The following ZNF490 variants were observed in gnomAD, a reference collection of about 807,000 sequenced individuals.
ZNF490 encodes the protein zinc finger protein 490.
A neutral mutation model predicts 17.7 loss-of-function variants in ZNF490; 11 were observed. That is an observed-to-expected ratio of 0.62 (90% CI 0.39 to 1.03). The LOEUF is 1.03. Ranked by LOEUF, ZNF490 falls within the 50% of genes least tolerant of loss-of-function variation. ZNF490 has a pLI of 0.00. For synonymous variants in ZNF490, 222 were observed against 216.1 expected (o/e 1.03, Z -0.24); for missense variants, 542 against 643.4 (o/e 0.84, Z 1.71).
rs574919708 is a variant in ZNF490 at position 12,585,688 on chromosome 19, T to C, written c.163-2132A>G. Among the ~76,000 whole-genome samples the C allele has an allele frequency of 5.4e-4, 50 of 92,044 alleles. 14 individuals are homozygous for C. Among genetic ancestry groups the C allele is most frequent in the African/African-American group, 1.5e-3 (46 of 30,838 alleles). 60.4% of individuals were successfully genotyped at this position (92,044 alleles called of 152,430 possible). On this transcript the variant is annotated intron_variant, in intron 2 of 4. Transcript: ENST00000311437. ...CCAGCCACTGGTAACAGTGTGACAT[T>C]AGAGTTTTGTTTTTATTTTGAGACC...
At chr19:12,595,275 C>CA (rs1210521241) in intron 2 of ZNF490, among the ~76,000 whole-genome samples, 1 of 151,898 alleles carries the variant, frequency 6.6e-6, no homozygotes, top group Non-Finnish European at 1.5e-5. Context: ...GCTGGGATTA[C>CA]AGCCATGCAC....
intron 2 of ZNF490, 125 bp from the exon 3 acceptor site, chr19:12,583,681 G>C: frequency 1.1e-6 from 1 of 941,442 alleles, no homozygotes; most frequent in Non-Finnish European, 1.4e-6. Context: ...TAACTTGGTT[G>C]TCAGAACTCT....
Position 12,578,975 on chromosome 19 carries a change from C to T in ZNF490, c.*1510G>A, listed in dbSNP as rs192215349. On this transcript the variant is annotated 3_prime_UTR_variant, in exon 5 of 5. Transcript: ENST00000311437. ...CATGGTTTTAAAATGAACTGGAGGC[C>T]GGGCGCGGTGGCTCACGCCTATAAT... The T allele has an allele frequency of 9.5e-5, 94 of 985,522 alleles. No homozygotes were observed. The highest frequency in any genetic ancestry group is 5.8e-4 in the African/African-American group (33 of 57,330). The allele number at this position is 985,522 out of a possible 1,614,324, so 61.0% of individuals were successfully genotyped here. A position where few individuals can be genotyped will look rare whatever the true frequency, so the allele number is the denominator to read the frequency against.
intron 2 of ZNF490, among the ~76,000 whole-genome samples, chr19:12,608,098 TC>T (rs1252968742): frequency 1.3e-5 from 2 of 152,172 alleles, no homozygotes; most frequent in Non-Finnish European, 2.9e-5. Flanking sequence ...TCCTCCCACT[TC>T]AGCATCCCAA....
chr19:12,590,229 T>C (rs1406431150), intron 2 of ZNF490, among the ~76,000 whole-genome samples: 1 of 150,796 alleles, frequency 6.6e-6, no homozygotes, highest in African/African-American at 2.4e-5. Context: ...TTTTTTTTTC[T>C]TTGAGATGGA....
Position 12,577,848 on chromosome 19 carries a change from C to T in ZNF490, c.*2637G>A. 1.0e-6 allele frequency: 1 copy of T among 985,512 alleles called. No homozygotes were observed. The allele number at this position is 985,512 out of a possible 1,614,324, so 61.0% of individuals were successfully genotyped here. A position where few individuals can be genotyped will look rare whatever the true frequency, so the allele number is the denominator to read the frequency against. On this transcript the variant is annotated 3_prime_UTR_variant, in exon 5 of 5. Coordinates refer to ENST00000311437, the MANE Select transcript of ZNF490 (RefSeq NM_020714.3). ...GACCTGGTTTCCCTCAATGCTGCCA[C>T]CTCCCTTCTAAAACACACTGACTTG...
chr19:12,583,815 T>A (rs79255780), intron 2 of ZNF490, among the ~76,000 whole-genome samples: 9,279 of 99,028 alleles, frequency 0.094, 149 homozygotes, highest in Non-Finnish European at 0.11. Flanking sequence ...ATATATATTT[T>A]TTTTTTTTTT....
intron 2 of ZNF490, among the ~76,000 whole-genome samples, chr19:12,601,556 T>A (rs2023003665): frequency 6.6e-6 from 1 of 151,452 alleles, no homozygotes; most frequent in Non-Finnish European, 1.5e-5. Context: ...ACCTGGCTAA[T>A]TTTTTTTTAT....
At chr19:12,589,303 G>A (rs936850975) in intron 2 of ZNF490, among the ~76,000 whole-genome samples, 2 of 152,162 alleles carry the variant, frequency 1.3e-5, no homozygotes, top group Non-Finnish European at 2.9e-5. Context: ...GTTGCAGTGA[G>A]CCCAGATCGC....
intron 2 of ZNF490, among the ~76,000 whole-genome samples, 154 bp from the exon 3 acceptor site, chr19:12,583,710 C>T (rs1222054297): frequency 6.7e-6 from 1 of 149,092 alleles, no homozygotes. Flanking sequence ...TCCATACTCA[C>T]TTCCTCATAA....
chr19:12,585,341 A>G (rs2022799054), intron 2 of ZNF490, among the ~76,000 whole-genome samples: 1 of 93,076 alleles, frequency 1.1e-5, no homozygotes, highest in Admixed American at 1.0e-4. Context: ...CAGGAGTCCA[A>G]GCACTAAACC....
At chr19:12,582,096 T>C (rs2022743257) in intron 4 of ZNF490, among the ~76,000 whole-genome samples, 1 of 151,920 alleles carries the variant, frequency 6.6e-6, no homozygotes, top group Admixed American at 6.6e-5. Context: ...TAATTTTATA[T>C]CTTTTTTAGT....
intron 2 of ZNF490, among the ~76,000 whole-genome samples, chr19:12,598,010 G>T (rs78908512): frequency 1.3e-5 from 2 of 152,132 alleles, no homozygotes; most frequent in East Asian, 3.9e-4. Context: ...CGGATCACGA[G>T]GTCAAGTGAT....
At position 12,582,429 on chromosome 19, in the gene ZNF490, T is replaced by C. The variant is rs201449467; in HGVS notation, c.350+421A>G. Reference sequence around the variant, plus strand: ...GTTGTTTTTTTAGACGGAGTCTCGCTCTGTCACCAGGCTGCAGTGCAGTGG... The same window carrying C: ...GTTGTTTTTTTAGACGGAGTCTCGCCCTGTCACCAGGCTGCAGTGCAGTGG... On this transcript the variant is annotated intron_variant, in intron 4 of 4. Coordinates refer to ENST00000311437, the MANE Select transcript of ZNF490 (RefSeq NM_020714.3). 2.6e-5 allele frequency among the ~76,000 whole-genome samples: 4 copies of C among 151,834 alleles called. No individual in the cohort carries two copies. In the East Asian group the frequency reaches 7.9e-4, roughly 30 times the overall value.
rs1223989637 is a variant in ZNF490, at chr19:12,599,406, AAAT to A, written c.162+9749_162+9751del. Among the ~76,000 whole-genome samples the A allele has an allele frequency of 2.6e-5, 4 of 152,256 alleles. No individual in the cohort carries two copies. The East Asian group carries it at 5.8e-4, about 22-fold the overall frequency. ...ATTTATGAAAGGGAACTTATGGAAGAAATGTTGTAGAATTTAAAGGTGTTTAGG... is the reference window on the plus strand; with the variant it reads ...ATTTATGAAAGGGAACTTATGGAAGAGTTGTAGAATTTAAAGGTGTTTAGG... On this transcript the variant is annotated intron_variant, in intron 2 of 4. Transcript: ENST00000311437.
chr19:12,583,703 A>G (rs1322365481), intron 2 of ZNF490, 147 bp from the exon 3 acceptor site: 2 of 625,888 alleles, frequency 3.2e-6, no homozygotes, highest in Non-Finnish European at 4.7e-6. Flanking sequence ...GACTCTTTCC[A>G]TACTCACTTC....
Position 12,582,796 on chromosome 19 carries a change from T to G in ZNF490, c.350+54A>C, listed in dbSNP as rs1018199845. The G allele has an allele frequency of 1.9e-5, 26 of 1,382,844 alleles. No homozygotes were observed. The Admixed American group carries it at 4.8e-4, about 26-fold the overall frequency. 85.7% of individuals were successfully genotyped at this position (1,382,844 alleles called of 1,614,324 possible). ...TTGCTTGCTTGGCTTTTGAAATTTATGAAATACTAAGATTCTCTCAGGGGC... is the reference window on the plus strand; with the variant it reads ...TTGCTTGCTTGGCTTTTGAAATTTAGGAAATACTAAGATTCTCTCAGGGGC... On this transcript the variant is annotated intron_variant, in intron 4 of 4. Transcript: ENST00000311437.
intron 2 of ZNF490, among the ~76,000 whole-genome samples, chr19:12,607,087 A>G (rs1432216956): frequency 6.6e-6 from 1 of 152,168 alleles, no homozygotes; most frequent in Admixed American, 6.6e-5. Flanking sequence ...CACGCCTACC[A>G]TCCCAACACT....
rs943725521 is a variant in ZNF490 at position 12,578,871 on chromosome 19, G to A, written c.*1614C>T. ...TTTAATTCTTCCTACGAAGAATCTC[G>A]ACAATGGTTGCAGATGTCATTGAAG... On this transcript the variant is annotated 3_prime_UTR_variant, in exon 5 of 5. Transcript: ENST00000311437. 1.3e-5 allele frequency: 13 copies of A among 985,222 alleles called. No homozygotes were observed. Among genetic ancestry groups the A allele is most frequent in the African/African-American group, 5.2e-5 (3 of 57,220 alleles). The allele number at this position is 985,222 out of a possible 1,614,324, so 61.0% of individuals were successfully genotyped here.
Sources: allele counts gnomAD v4.1 joint callset (sites outside exome capture counted in the v4.1 genomes callset), GRCh38; gene constraint gnomAD v4.1.1; transcripts MANE v1.5; gene names NCBI Gene and HGNC (gene_info 2026-07-23, HGNC 2026-07-21).